Variants in LMLN observed in about 807,000 individuals in gnomAD.
LMLN encodes leishmanolysin like peptidase, also known as leishmanolysin-like peptidase.
Under a neutral mutation model 92.3 loss-of-function variants are expected in LMLN, and 70 were observed. The ratio of observed to expected loss-of-function variants is 0.76; its 90% CI spans 0.63 to 0.92. The LOEUF (loss-of-function observed/expected upper bound fraction) is 0.92, where lower values mean the gene tolerates loss of function less well. Among genes scored for constraint, LMLN ranks in the 40% least tolerant of loss-of-function variants. LMLN has a pLI of 0.00. For synonymous variants in LMLN, 308 were observed against 296.2 expected (o/e 1.04, Z -0.41); for missense variants, 691 against 814.6 (o/e 0.85, Z 1.85).
intron 11 of LMLN, among the ~76,000 whole-genome samples, chr3:198,000,985 G>T (rs977579305): frequency 6.6e-6 from 1 of 151,764 alleles, no homozygotes; most frequent in South Asian, 2.1e-4. Flanking sequence ...GATCCACTAC[G>T]TTGGTTTGAC....
rs1163083915 is a variant in LMLN at position 198,025,978 on chromosome 3, A to G, written c.1656+1190A>G. Among the ~76,000 whole-genome samples the G allele has an allele frequency of 6.6e-6, 1 of 151,586 alleles. No homozygotes were observed. Among genetic ancestry groups the G allele is most frequent in the Non-Finnish European group, 1.5e-5 (1 of 67,916 alleles). On this transcript the variant is annotated intron_variant, in intron 14 of 15. Transcript: ENST00000330198. The surrounding 1 kb of genome is among the most constrained non-coding windows in gnomAD (Gnocchi z 4.3). ...TTCTTCTTTTCTGTTTTTTTTTGAG[A>G]CAGGGTTTTGCTCTGTCACCCAGGC...
At chr3:197,981,062 C>A (rs552228115) in intron 6 of LMLN, among the ~76,000 whole-genome samples, 1 of 151,616 alleles carries the variant, frequency 6.6e-6, no homozygotes, top group African/African-American at 2.4e-5. Flanking sequence ...GTGATCATGC[C>A]ACTGCACTCC....
At chr3:198,035,371 T>TTG (rs1723186079) in intron 14 of LMLN, among the ~76,000 whole-genome samples, 1 of 147,726 alleles carries the variant, frequency 6.8e-6, no homozygotes. Context: ...GTTTTTTTTT[T>TTG]TTTTTTTTTT....
chr3:197,995,435 A>G (rs971134099), intron 9 of LMLN, among the ~76,000 whole-genome samples: 14 of 152,186 alleles, frequency 9.2e-5, no homozygotes, highest in African/African-American at 3.1e-4. Context: ...AAATTTTGTC[A>G]TTTGTAAGAA....
At chr3:197,963,366 G>C (rs373703617) in intron 1 of LMLN, among the ~76,000 whole-genome samples, 4 of 152,062 alleles carry the variant, frequency 2.6e-5, no homozygotes, top group African/African-American at 7.2e-5. Flanking sequence ...CACTACACTT[G>C]GCTAATTTTT....
In LMLN at chr3:198,019,248, T is replaced by C. The variant is rs1722718558; in HGVS notation, c.1233-5T>C. 1 of 1,607,450 alleles carries C rather than the reference T, an allele frequency of 6.2e-7. No individual in the cohort carries two copies. Among genetic ancestry groups the C allele is most frequent in the South Asian group, 1.1e-5 (1 of 89,546 alleles). On this transcript the variant is annotated splice_polypyrimidine_tract_variant and splice_region_variant and intron_variant, in intron 11 of 15. Coordinates refer to ENST00000330198, the Ensembl canonical transcript of LMLN. The surrounding 1 kb of genome is among the most constrained non-coding windows in gnomAD (Gnocchi z 5.5). ...TGATACCATGGTACTTCTCTTTGTTTGCAGGAGACAGATGCTGAGCCCTTA... is the reference window on the plus strand; with the variant it reads ...TGATACCATGGTACTTCTCTTTGTTCGCAGGAGACAGATGCTGAGCCCTTA...
chr3:198,005,893 G>A (rs1211364394), intron 11 of LMLN, among the ~76,000 whole-genome samples: 1 of 151,990 alleles, frequency 6.6e-6, no homozygotes, highest in African/African-American at 2.4e-5. Context: ...GAGGCGGGTG[G>A]GTCACTTGAG....
At chr3:197,993,422 C>G (rs6782061) in intron 9 of LMLN, among the ~76,000 whole-genome samples, 1,882 of 151,948 alleles carry the variant, frequency 0.012, 40 homozygotes, top group African/African-American at 0.043. Context: ...GATACAAAAT[C>G]AACACACAAA....
chr3:197,984,463 A>T (rs1487065977), intron 7 of LMLN, among the ~76,000 whole-genome samples: 2 of 151,684 alleles, frequency 1.3e-5, no homozygotes, highest in African/African-American at 2.4e-5. Context: ...AAGTATATAG[A>T]TACGGCAGAG....
chr3:197,980,349 T>C (rs763334803), exon 6 of LMLN: 10 of 1,613,808 alleles, frequency 6.2e-6, no homozygotes, highest in Non-Finnish European at 8.5e-6. Context: ...ACCGTGGGGG[T>C]AAGTGGCCTC....
rs933407809 is a variant in LMLN at position 198,042,204 on chromosome 3, G to C, written c.*3537G>C. On this transcript the variant is annotated 3_prime_UTR_variant, in exon 16 of 16. Transcript: ENST00000330198. This position sits in a 1 kb window ranked among gnomAD's most constrained non-coding sequence, Gnocchi z 4.2. ...ACTTAGAAGGACACTGAACCTGTCA[G>C]AGATTTTAAGAGGCACATTTTAGTC... 6.6e-6 allele frequency: 1 copy of C among 152,254 alleles called. No homozygotes were observed. The highest frequency in any genetic ancestry group is 2.1e-4 in the South Asian group (1 of 4,826). 9.4% of individuals were successfully genotyped at this position (152,254 alleles called of 1,614,324 possible).
chr3:197,965,086 C>G (rs1040565869), intron 1 of LMLN, among the ~76,000 whole-genome samples: 7 of 151,964 alleles, frequency 4.6e-5, no homozygotes, highest in African/African-American at 9.7e-5. Context: ...ATGATCATAG[C>G]TCACTGCCAC....
chr3:197,981,824 A>G (rs1157483090), intron 6 of LMLN, among the ~76,000 whole-genome samples: 3 of 137,476 alleles, frequency 2.2e-5, no homozygotes, highest in Admixed American at 7.1e-5. Context: ...TTTTTTTTGG[A>G]GACATAGTCT....
At position 198,037,579 on chromosome 3, in the gene LMLN, G is replaced by A. The variant is rs1172206396; in HGVS notation, c.1868-988G>A. ...GCAGGAGAATCACTTGAACCCGGGA[G>A]GCGGAGCCAAGATCACACCACTGCA... is the stretch of plus-strand genomic sequence containing the variant. On this transcript the variant is annotated intron_variant, in intron 15 of 15. Transcript: ENST00000330198. Among the ~76,000 whole-genome samples the A allele has an allele frequency of 3.9e-5, 6 of 152,262 alleles. No individual in the cohort carries two copies. The East Asian group carries it at 1.2e-3, about 29-fold the overall frequency.
chr3:197,974,469 TG>T lies in LMLN; in HGVS notation c.313del (p.Glu105LysfsTer11). On this transcript the variant is annotated frameshift_variant, in exon 2 of 16. Coordinates refer to ENST00000330198, the Ensembl canonical transcript of LMLN. LOFTEE classifies it high-confidence loss of function. ...TCAAGACTGTCTATGATAAAAGTGT[TG>T]AAGAGTAAGTACACCATTGTATTGT... is the stretch of plus-strand genomic sequence containing the variant. 1 of 1,485,442 alleles carries T rather than the reference TG, an allele frequency of 6.7e-7. No homozygotes were observed. Among genetic ancestry groups the T allele is most frequent in the Non-Finnish European group, 9.3e-7 (1 of 1,080,654 alleles). 92.0% of individuals were successfully genotyped at this position (1,485,442 alleles called of 1,614,324 possible).
intron 14 of LMLN, among the ~76,000 whole-genome samples, chr3:198,035,371 T>C (rs569714565): frequency 6.8e-6 from 1 of 147,834 alleles, no homozygotes; most frequent in East Asian, 1.9e-4. Context: ...GTTTTTTTTT[T>C]TTTTTTTTTT....
chr3:198,032,861 C>G (rs1412608469), intron 14 of LMLN, among the ~76,000 whole-genome samples: 30 of 152,194 alleles, frequency 2.0e-4, no homozygotes, highest in Admixed American at 2.0e-3. Flanking sequence ...ACTGGTCCAG[C>G]TGGTCGCAGT....
At chr3:197,978,921 G>A (rs892717039) in intron 5 of LMLN, among the ~76,000 whole-genome samples, 10 of 152,046 alleles carry the variant, frequency 6.6e-5, no homozygotes, top group African/African-American at 2.4e-4. Flanking sequence ...CCCTGGAGGC[G>A]GAAGTTGCAG....
chr3:197,992,160 A>C (rs1370978444), intron 9 of LMLN, among the ~76,000 whole-genome samples: 1 of 151,916 alleles, frequency 6.6e-6, no homozygotes, highest in African/African-American at 2.4e-5. Flanking sequence ...CTGTGTGTAC[A>C]TATATATAGA....
Sources: allele counts gnomAD v4.1 joint callset (sites outside exome capture counted in the v4.1 genomes callset), GRCh38; gene constraint gnomAD v4.1.1; non-coding constraint Gnocchi (gnomAD v3.1); transcripts MANE v1.5; gene names NCBI Gene and HGNC (gene_info 2026-07-23, HGNC 2026-07-21).